Variants in TAFA2 observed in about 807,000 individuals in gnomAD.
TAFA2 encodes the protein chemokine-like protein TAFA-2.
TAFA2 carries 7 observed loss-of-function variants against 18.8 expected under a neutral mutation model. That is an observed-to-expected ratio of 0.37 (90% confidence interval 0.21 to 0.70). The LOEUF is 0.70. Among genes scored for constraint, TAFA2 ranks in the 30% least tolerant of loss-of-function variants. The pLI is 0.53. For synonymous variants in TAFA2, 60 were observed against 54.2 expected, an observed-to-expected ratio of 1.11 and a Z score of -0.47; for missense variants, 122 against 158.1, an observed-to-expected ratio of 0.77 and a Z score of 1.23.
intron 2 of TAFA2, 148 bp from the exon 3 acceptor site, chr12:61,755,172 T>C (rs900852820): frequency 1.5e-6 from 1 of 665,028 alleles, no homozygotes; most frequent in Non-Finnish European, 2.5e-6. Context: ...AACTCCATAA[T>C]GCAGATTTGA....
intron 1 of TAFA2, among the ~76,000 whole-genome samples, chr12:62,208,371 C>G (rs1044984357): frequency 2.0e-5 from 3 of 152,012 alleles, no homozygotes; most frequent in Admixed American, 6.6e-5. Flanking sequence ...AGTTTGCACC[C>G]ATGAATTAAT....
intron 1 of TAFA2, among the ~76,000 whole-genome samples, chr12:62,215,791 T>C (rs1320028040): frequency 6.7e-6 from 1 of 149,068 alleles, no homozygotes; most frequent in Non-Finnish European, 1.5e-5. Flanking sequence ...AGTTACATTT[T>C]GTGTGACCTA....
intron 3 of TAFA2, 81 bp from the exon 4 acceptor site, chr12:61,753,827 G>T: frequency 7.6e-7 from 1 of 1,315,002 alleles, no homozygotes. Context: ...AGGAACAAAA[G>T]CCACTAATTT....
chr12:62,005,851 G>A (rs888574829), intron 1 of TAFA2, among the ~76,000 whole-genome samples: 24 of 152,058 alleles, frequency 1.6e-4, no homozygotes, highest in Non-Finnish European at 2.6e-4. Flanking sequence ...ATGTCCTTCT[G>A]ATTCGTATAT....
At chr12:61,733,594 G>A (rs12322243) in intron 4 of TAFA2, among the ~76,000 whole-genome samples, 3,650 of 146,542 alleles carry the variant, frequency 0.025, 149 homozygotes, top group African/African-American at 0.087. Flanking sequence ...GATATGCGGC[G>A]TTATTTCTGA....
chr12:62,224,505 A>G (rs1438998569), intron 1 of TAFA2, among the ~76,000 whole-genome samples: 1 of 152,074 alleles, frequency 6.6e-6, no homozygotes, highest in East Asian at 1.9e-4. Context: ...AGGGGCACTA[A>G]TCTTATTCAT....
intron 2 of TAFA2, among the ~76,000 whole-genome samples, chr12:61,835,985 TAGA>T (rs1214628202): frequency 1.3e-5 from 2 of 151,864 alleles, no homozygotes; most frequent in Admixed American, 6.6e-5. Context: ...GTAAATACAG[TAGA>T]AGTTCCCTTA....
chr12:62,126,391 G>A (rs892688296), intron 1 of TAFA2, among the ~76,000 whole-genome samples: 23 of 152,070 alleles, frequency 1.5e-4, no homozygotes, highest in Admixed American at 1.0e-3. Context: ...TTTCGTTCCA[G>A]ATTAGCTGTT....
intron 1 of TAFA2, among the ~76,000 whole-genome samples, chr12:62,111,749 T>G (rs755012152): frequency 6.6e-6 from 1 of 152,192 alleles, no homozygotes; most frequent in Non-Finnish European, 1.5e-5. Flanking sequence ...ATTCCCTTCT[T>G]TGTCTTTTTT....
At chr12:62,141,114 T>G (rs1041392102) in intron 1 of TAFA2, among the ~76,000 whole-genome samples, 14 of 152,212 alleles carry the variant, frequency 9.2e-5, no homozygotes, top group Non-Finnish European at 1.6e-4. Context: ...AAGTAAATTG[T>G]CCAAGGTTAC....
At chr12:61,906,605 A>G (rs1876366100) in intron 1 of TAFA2, among the ~76,000 whole-genome samples, 1 of 152,176 alleles carries the variant, frequency 6.6e-6, no homozygotes, top group Non-Finnish European at 1.5e-5. Context: ...CTGTAAAGAT[A>G]CCCGAAAATG....
intron 1 of TAFA2, among the ~76,000 whole-genome samples, chr12:62,162,270 G>A (rs1247103393): frequency 6.6e-6 from 1 of 152,172 alleles, no homozygotes. Context: ...ATAAATATGT[G>A]AGAAATTTAT....
In TAFA2 at chr12:61,925,556, G is replaced by A. The variant is rs148433900; in HGVS notation, c.-1-58130C>T. 9.7e-3 allele frequency among the ~76,000 whole-genome samples: 1,472 copies of A among 152,198 alleles called. 38 individuals are homozygous for A. The highest frequency in any genetic ancestry group is 0.033 in the African/African-American group (1,385 of 41,546). ...AAACCATTGAGAACAAAGACACAAT[G>A]TACCAGAATCTCTGAAACCAGAATC... On this transcript the variant is annotated intron_variant, in intron 1 of 4. Transcript: ENST00000416284.
chr12:61,744,423 T>C (rs117441139), intron 4 of TAFA2, among the ~76,000 whole-genome samples: 221 of 152,272 alleles, frequency 1.5e-3, no homozygotes, highest in Middle Eastern at 3.4e-3. Context: ...GTTTTGGACA[T>C]AGAGCCGGAT....
chr12:62,036,494 C>T (rs1229680024), intron 1 of TAFA2, among the ~76,000 whole-genome samples: 1 of 152,094 alleles, frequency 6.6e-6, no homozygotes, highest in Non-Finnish European at 1.5e-5. Flanking sequence ...TATGTACTTC[C>T]CCATTGTCCA....
At chr12:62,160,828 T>A (rs1219844703) in intron 1 of TAFA2, among the ~76,000 whole-genome samples, 1 of 152,144 alleles carries the variant, frequency 6.6e-6, no homozygotes, top group Non-Finnish European at 1.5e-5. Flanking sequence ...GGTATGTGTG[T>A]GAGTTTGCCC....
At chr12:61,973,423 T>C (rs886967828) in intron 1 of TAFA2, among the ~76,000 whole-genome samples, 4 of 149,442 alleles carry the variant, frequency 2.7e-5, no homozygotes, top group African/African-American at 9.8e-5. Context: ...TTAGTTTTCA[T>C]TACAACTTAG....
At chr12:62,096,332 C>A (rs964517786) in intron 1 of TAFA2, among the ~76,000 whole-genome samples, 2 of 152,048 alleles carry the variant, frequency 1.3e-5, no homozygotes, top group African/African-American at 4.8e-5. Context: ...ATAGAGAAAG[C>A]AGGAAAGGTG....
chr12:62,203,180 G>C (rs1228643524), intron 1 of TAFA2, among the ~76,000 whole-genome samples: 1 of 152,188 alleles, frequency 6.6e-6, no homozygotes, highest in Non-Finnish European at 1.5e-5. Context: ...GCTCTAATTT[G>C]ATTGTGCTGT....
Sources: gnomAD v4.1 joint callset for allele counts (sites outside exome capture counted in the v4.1 genomes callset) on GRCh38, gnomAD v4.1.1 for gene constraint, MANE v1.5 for transcripts, NCBI Gene and HGNC (gene_info 2026-07-23, HGNC 2026-07-21) for gene names.